The following EFR3A variants were observed in gnomAD, a reference collection of about 807,000 sequenced individuals.
EFR3A encodes EFR3 homolog A.
Under a neutral mutation model 104.4 loss-of-function variants are expected in EFR3A, and 76 were observed. That is an observed-to-expected ratio of 0.73 (90% confidence interval 0.60 to 0.88). EFR3A has a LOEUF of 0.88. Ranked by LOEUF, EFR3A falls within the 40% of genes least tolerant of loss-of-function variation. The pLI is 0.00. For missense variants in EFR3A, 985 were observed against 1,012.5 expected, an observed-to-expected ratio of 0.97 and a Z score of 0.37; for synonymous variants, 330 against 330.0, an observed-to-expected ratio of 1.00 and a Z score of 0.00.
intron 19 of EFR3A, among the ~76,000 whole-genome samples, chr8:131,997,026 C>CTCT (rs1821529500): frequency 6.6e-6 from 1 of 152,018 alleles, no homozygotes; most frequent in African/African-American, 2.4e-5. Context: ...ACTATGTACT[C>CTCT]TGTAAGGACT....
intron 8 of EFR3A, among the ~76,000 whole-genome samples, chr8:131,965,961 A>G (rs2130681053): frequency 6.6e-6 from 1 of 152,276 alleles, no homozygotes; most frequent in Admixed American, 6.5e-5. Flanking sequence ...TATCGCAAGG[A>G]CAAAAAACCA....
intron 14 of EFR3A, among the ~76,000 whole-genome samples, chr8:131,979,774 C>G (rs1343593381): frequency 3.9e-5 from 6 of 152,100 alleles, no homozygotes; most frequent in Admixed American, 3.9e-4. Flanking sequence ...CTGAAAATAG[C>G]TATCACCATC....
In EFR3A at chr8:132,011,163, C is replaced by T; in HGVS notation, c.*268C>T. On this transcript the variant is annotated 3_prime_UTR_variant, in exon 23 of 23. Coordinates refer to ENST00000254624, the MANE Select transcript of EFR3A (RefSeq NM_015137.6). Reference sequence around the variant, plus strand: ...GAACATGTTTTGGTTTCACTTTATTCCACTGTTAAGTAGTATGTTTTAAAC... The same window carrying T: ...GAACATGTTTTGGTTTCACTTTATTTCACTGTTAAGTAGTATGTTTTAAAC... The T allele has an allele frequency of 8.9e-7, 1 of 1,125,708 alleles. No individual in the cohort carries two copies. The highest frequency in any genetic ancestry group is 1.1e-6 in the Non-Finnish European group (1 of 914,822). The allele number at this position is 1,125,708 out of a possible 1,614,324, so 69.7% of individuals were successfully genotyped here.
intron 18 of EFR3A, among the ~76,000 whole-genome samples, chr8:131,988,662 A>G (rs147352580): frequency 3.3e-5 from 5 of 152,210 alleles, no homozygotes; most frequent in African/African-American, 9.6e-5. Flanking sequence ...AACATTTAAA[A>G]TATTTTACTC....
At chr8:131,958,984 C>G (rs1012280459) in intron 7 of EFR3A, among the ~76,000 whole-genome samples, 1 of 152,066 alleles carries the variant, frequency 6.6e-6, no homozygotes, top group African/African-American at 2.4e-5. Flanking sequence ...CACTCATGGA[C>G]AAGGACATAT....
At chr8:131,971,188 A>G (rs1047742534) in intron 10 of EFR3A, among the ~76,000 whole-genome samples, 5 of 152,188 alleles carry the variant, frequency 3.3e-5, no homozygotes, top group South Asian at 2.1e-4. Context: ...TTTCAGTTTT[A>G]TCAGTTGACC....
intron 1 of EFR3A, 86 bp from the exon 2 acceptor site, chr8:131,940,413 C>T (rs1480111986): frequency 2.4e-6 from 3 of 1,231,834 alleles, no homozygotes; most frequent in Non-Finnish European, 3.4e-6. Flanking sequence ...TTTTATATAG[C>T]CCATTAATAT....
intron 8 of EFR3A, 61 bp from the exon 9 acceptor site, chr8:131,968,234 A>G (rs922034506): frequency 6.6e-7 from 1 of 1,513,056 alleles, no homozygotes; most frequent in African/African-American, 1.4e-5. Context: ...TTTTATTCTT[A>G]GGAATTCTGC....
At chr8:131,954,111 T>C (rs1220604385) in intron 6 of EFR3A, 144 bp downstream of exon 6, 46 of 791,672 alleles carry the variant, frequency 5.8e-5, no homozygotes, top group Non-Finnish European at 3.4e-5. Context: ...TGTACCTTTC[T>C]GAAAAAATTT....
chr8:131,994,056 C>T (rs969154070), intron 18 of EFR3A, among the ~76,000 whole-genome samples: 14 of 151,916 alleles, frequency 9.2e-5, no homozygotes, highest in Admixed American at 7.9e-4. Flanking sequence ...GTATAACAAA[C>T]CTGCGCATGT....
At chr8:131,916,635 G>A (rs1027762122) in intron 1 of EFR3A, among the ~76,000 whole-genome samples, 1 of 152,158 alleles carries the variant, frequency 6.6e-6, no homozygotes, top group African/African-American at 2.4e-5. Flanking sequence ...ATTTAAAGAT[G>A]GAGTGAGGCA....
intron 10 of EFR3A, among the ~76,000 whole-genome samples, chr8:131,973,649 T>C (rs929414575): frequency 1.3e-5 from 2 of 152,216 alleles, no homozygotes; most frequent in African/African-American, 2.4e-5. Flanking sequence ...AGTTGTCAGA[T>C]CATGGCGTTA....
At chr8:132,003,316 C>T in intron 22 of EFR3A, 31 bp downstream of exon 22, 1 of 1,531,202 alleles carries the variant, frequency 6.5e-7, no homozygotes, top group Non-Finnish European at 9.0e-7. Context: ...ATAGCAATAA[C>T]ACACACACAC....
intron 1 of EFR3A, among the ~76,000 whole-genome samples, chr8:131,921,778 C>T (rs1440278585): frequency 1.4e-5 from 2 of 148,030 alleles, no homozygotes; most frequent in African/African-American, 4.9e-5. Flanking sequence ...GTTTGAGTGA[C>T]TGAAATATCA....
At chr8:131,926,968 G>A (rs912825669) in intron 1 of EFR3A, among the ~76,000 whole-genome samples, 2 of 152,020 alleles carry the variant, frequency 1.3e-5, no homozygotes, top group South Asian at 2.1e-4. Flanking sequence ...TTTCTTTCAC[G>A]GAGGGGAAAG....
chr8:131,914,355 G>A (rs1337489761), intron 1 of EFR3A, among the ~76,000 whole-genome samples: 1 of 152,136 alleles, frequency 6.6e-6, no homozygotes, highest in Non-Finnish European at 1.5e-5. Context: ...TTCCAGTGAT[G>A]GGGGTATCTG....
chr8:132,011,032 G>T lies in EFR3A; in HGVS notation c.*137G>T. The T allele has an allele frequency of 1.5e-6, 2 of 1,300,056 alleles. No homozygotes were observed. Among genetic ancestry groups the T allele is most frequent in the Non-Finnish European group, 2.0e-6 (2 of 1,015,690 alleles). 80.5% of individuals were successfully genotyped at this position (1,300,056 alleles called of 1,614,324 possible). On this transcript the variant is annotated 3_prime_UTR_variant, in exon 23 of 23. Transcript: ENST00000254624. ...GAACATATCTTTAACCAAATGTTTG[G>T]CATACCATATTAGAAGTTTTGGAGC...
At chr8:131,962,882 A>G (rs1027342020) in intron 8 of EFR3A, among the ~76,000 whole-genome samples, 15 of 152,158 alleles carry the variant, frequency 9.9e-5, no homozygotes, top group Non-Finnish European at 1.6e-4. Flanking sequence ...TCAGACCACA[A>G]TGCAATCAAA....
At chr8:131,946,741 A>G (rs1358223838) in intron 4 of EFR3A, 108 bp downstream of exon 4, 2 of 1,038,416 alleles carry the variant, frequency 1.9e-6, no homozygotes, top group East Asian at 3.0e-5. Context: ...TGAATAGGGC[A>G]TTTGAACAGT....
Sources: allele counts gnomAD v4.1 joint callset (sites outside exome capture counted in the v4.1 genomes callset), GRCh38; gene constraint gnomAD v4.1.1; transcripts MANE v1.5; gene names NCBI Gene and HGNC (gene_info 2026-07-23, HGNC 2026-07-21).